Variants in CNTN2 observed in about 807,000 individuals in gnomAD.
The protein encoded by CNTN2 is contactin 2, also known as contactin-2.
CNTN2 carries 53 observed loss-of-function variants against 117.5 expected under a neutral mutation model. That is an observed-to-expected ratio of 0.45 (90% CI 0.36 to 0.57). CNTN2 has a LOEUF of 0.57. Among genes scored for constraint, CNTN2 ranks in the 20% least tolerant of loss-of-function variants. The pLI is 0.00. For missense variants in CNTN2, 1,106 were observed against 1,404.3 expected (o/e 0.79, Z 3.39); for synonymous variants, 530 against 561.7 (o/e 0.94, Z 0.80).
chr1:205,058,294 A>G lies in CNTN2; in HGVS notation c.329A>G (p.Gln110Arg). 1 of 1,530,796 alleles carries G rather than the reference A, an allele frequency of 6.5e-7. No individual in the cohort carries two copies. Among genetic ancestry groups the G allele is most frequent in the East Asian group, 2.3e-5 (1 of 44,084 alleles). 94.8% of individuals were successfully genotyped at this position (1,530,796 alleles called of 1,614,324 possible). The change falls in exon 4 of 23, where the codon CAG becomes CGG. Residue 110 changes from glutamine (Q) to arginine (R), a missense_variant. Transcript: ENST00000331830. The surrounding 1 kb of genome is among the most constrained non-coding windows in gnomAD (Gnocchi z 4.3). Reference sequence around the variant, plus strand: ...AAGGCACAGGATGCCGGGGTCTACCAGTGCCTGGCCTCCAACCCAGTGGGC... The same window carrying G: ...AAGGCACAGGATGCCGGGGTCTACCGGTGCCTGGCCTCCAACCCAGTGGGC... ...PTKAQDAGVY[Q>R]CLASNPVGTV...
chr1:205,073,560 G>A lies in CNTN2; in HGVS notation c.3014-96G>A. On this transcript the variant is annotated intron_variant, in intron 22 of 22. Transcript: ENST00000331830. This position sits in a 1 kb window ranked among gnomAD's most constrained non-coding sequence, Gnocchi z 6.3. The stretch of plus-strand genomic sequence containing the variant: ...CCGTCCGCTCCCAGGCCTGCAGCTG[G>A]CCCTGTGAGTCTCCTTAGGAAAGGT... The A allele has an allele frequency of 9.1e-7, 1 of 1,098,928 alleles. No individual in the cohort carries two copies. Among genetic ancestry groups the A allele is most frequent in the Non-Finnish European group, 1.3e-6 (1 of 747,276 alleles). The allele number at this position is 1,098,928 out of a possible 1,614,324, so 68.1% of individuals were successfully genotyped here.
At position 205,073,886 on chromosome 1, in the gene CNTN2, C is replaced by T; in HGVS notation, c.*121C>T. On this transcript the variant is annotated 3_prime_UTR_variant, in exon 23 of 23. Transcript: ENST00000331830. This position sits in a 1 kb window ranked among gnomAD's most constrained non-coding sequence, Gnocchi z 6.3. ...GAGAGTGGCTGGTTTTAAATACCTACTTTAAACAGTGCCCTTTTTGTAGGA... is the reference window on the plus strand; with the variant it reads ...GAGAGTGGCTGGTTTTAAATACCTATTTTAAACAGTGCCCTTTTTGTAGGA... 1 of 721,254 alleles carries T rather than the reference C, an allele frequency of 1.4e-6. No individual in the cohort carries two copies. Among genetic ancestry groups the T allele is most frequent in the Non-Finnish European group, 2.4e-6 (1 of 419,110 alleles). 44.7% of individuals were successfully genotyped at this position (721,254 alleles called of 1,614,324 possible).
chr1:205,061,579 G>A lies in CNTN2; in HGVS notation c.973+159G>A. 2 of 908,872 alleles carry A rather than the reference G, an allele frequency of 2.2e-6. No homozygotes were observed. Among genetic ancestry groups the A allele is most frequent in the East Asian group, 2.7e-5 (1 of 36,626 alleles). The allele number at this position is 908,872 out of a possible 1,614,324, so 56.3% of individuals were successfully genotyped here. A position where few individuals can be genotyped will look rare whatever the true frequency, so the allele number is the denominator to read the frequency against. On this transcript the variant is annotated intron_variant, in intron 8 of 22. Coordinates refer to ENST00000331830, the MANE Select transcript of CNTN2 (RefSeq NM_005076.5). The surrounding 1 kb of genome is among the most constrained non-coding windows in gnomAD (Gnocchi z 4.8). The stretch of plus-strand genomic sequence containing the variant: ...CTGCACTGAGTCTGGGACCAGAGGA[G>A]GCTAGTGCTGTGGTCACCTCAGAGC...
Position 205,065,227 on chromosome 1 carries a change from G to T in CNTN2, c.1660G>T (p.Asp554Tyr), listed in dbSNP as rs368514157. 6.2e-7 allele frequency: 1 copy of T among 1,614,124 alleles called. No individual in the cohort carries two copies. Among genetic ancestry groups the T allele is most frequent in the Admixed American group, 1.7e-5 (1 of 60,014 alleles). ...WTLDDFPIDF[D>Y]KPGGHYRRTN... is the part of the protein sequence containing the mutation. ...CCTGGACGACTTCCCCATCGACTTT[G>T]ATAAGCCTGGAGGGCACTACCGGAG... The change falls in exon 13 of 23, where the codon GAT (aspartate) becomes TAT (tyrosine). Residue 554 changes from aspartate (D) to tyrosine (Y), a missense_variant. By Grantham distance (160) the Asp-to-Tyr change is radical. Coordinates refer to ENST00000331830, the MANE Select transcript of CNTN2 (RefSeq NM_005076.5). The surrounding 1 kb of genome is among the most constrained non-coding windows in gnomAD (Gnocchi z 4.1).
Position 205,058,126 on chromosome 1 carries a change from C to T in CNTN2, c.216-55C>T. 1 of 1,599,454 alleles carries T rather than the reference C, an allele frequency of 6.3e-7. No homozygotes were observed. Among genetic ancestry groups the T allele is most frequent in the Non-Finnish European group, 8.5e-7 (1 of 1,172,660 alleles). Reference sequence around the variant, plus strand: ...GCAGCCGTTGAACTTTCCCTCTCATCAGCCCTGCCACCAGGCAGGACTCAG... The same window carrying T: ...GCAGCCGTTGAACTTTCCCTCTCATTAGCCCTGCCACCAGGCAGGACTCAG... On this transcript the variant is annotated intron_variant, in intron 3 of 22. Transcript: ENST00000331830. This position sits in a 1 kb window ranked among gnomAD's most constrained non-coding sequence, Gnocchi z 4.3.
chr1:205,061,067 G>C lies in CNTN2; in HGVS notation c.798-178G>C. ...TGCCTCTTGCCCCTTCCCTGCGTGT[G>C]CTCCGAGCCTACCTGGGAGAGGAGA... On this transcript the variant is annotated intron_variant, in intron 7 of 22. Transcript: ENST00000331830. The surrounding 1 kb of genome is among the most constrained non-coding windows in gnomAD (Gnocchi z 4.8). The C allele has an allele frequency of 1.5e-6, 1 of 653,506 alleles. No homozygotes were observed. The highest frequency in any genetic ancestry group is 2.0e-5 in the South Asian group (1 of 49,038). 40.5% of individuals were successfully genotyped at this position (653,506 alleles called of 1,614,324 possible).
Position 205,066,462 on chromosome 1 carries a change from G to C in CNTN2, c.1838G>C (p.Gly613Ala). The C allele has an allele frequency of 6.2e-7, 1 of 1,614,062 alleles. No homozygotes were observed. Among genetic ancestry groups the C allele is most frequent in the Non-Finnish European group, 8.5e-7 (1 of 1,180,028 alleles). The change falls in exon 15 of 23, where the codon GGT becomes GCT. Residue 613 changes from glycine to alanine, a missense_variant. Transcript: ENST00000331830. ...GCAGGTCCGCCAGGTCCCCCAGGAG[G>C]TGTGGTGGTGAGGGACATTGGCGAC... ...LVRGPPGPPG[G>A]VVVRDIGDTT...
chr1:205,050,304 T>TGTGC (rs1377064850), intron 1 of CNTN2, among the ~76,000 whole-genome samples: 3 of 151,830 alleles, frequency 2.0e-5, no homozygotes, highest in Non-Finnish European at 2.9e-5. Flanking sequence ...TGTGTGTGTG[T>TGTGC]GTGTGTGTGT....
At chr1:205,060,731 A>AG (rs2151191461) in intron 7 of CNTN2, 1 of 151,612 alleles carries the variant, frequency 6.6e-6, no homozygotes, top group African/African-American at 2.4e-5. Context: ...AAAAAAAAAA[A>AG]AAAGAAAAAA....
At chr1:205,062,241 C>T in intron 9 of CNTN2, 199 bp from the exon 10 acceptor site, 2 of 856,486 alleles carry the variant, frequency 2.3e-6, no homozygotes, top group Non-Finnish European at 3.5e-6. Context: ...ACTGGGTCAC[C>T]TCACCCTTCC....
Position 205,077,715 on chromosome 1 carries a change from AGGCAGCCTTT to A in CNTN2, c.*3953_*3962del, listed in dbSNP as rs1654930405. The A allele has an allele frequency of 6.6e-6, 1 of 152,334 alleles. No homozygotes were observed. The highest frequency in any genetic ancestry group is 1.5e-5 in the Non-Finnish European group (1 of 68,116). The allele number at this position is 152,334 out of a possible 1,614,324, so 9.4% of individuals were successfully genotyped here. On this transcript the variant is annotated 3_prime_UTR_variant, in exon 23 of 23. Transcript: ENST00000331830. ...GTCAGATAGCTTTGGCCACAGCCCC[AGGCAGCCTTT>A]GGGGCCTATGACACTTAGTGCCCTT... is the stretch of plus-strand genomic sequence containing the variant.
chr1:205,056,590 T>C (rs1653636674), intron 2 of CNTN2, among the ~76,000 whole-genome samples: 1 of 152,198 alleles, frequency 6.6e-6, no homozygotes, highest in Admixed American at 6.5e-5. Flanking sequence ...GACTGATGGC[T>C]GGATGCGCTG....
chr1:205,057,922 T>G lies in CNTN2; in HGVS notation c.72T>G (p.Ala24=). The change falls in exon 3 of 23, where the codon GCT becomes GCG. Residue 24 remains alanine, a splice_region_variant and synonymous_variant. Transcript: ENST00000331830. Reference sequence around the variant, plus strand: ...ATCTGGTGGTGTCATCACCTGCAGCTTGGAGTTCAGCCCTGGGATCCCAAA... The same window carrying G: ...ATCTGGTGGTGTCATCACCTGCAGCGTGGAGTTCAGCCCTGGGATCCCAAA... ...VAAVALVSSS[A]WSSALGSQTT... is the part of the protein sequence containing the mutation. 2 of 1,613,398 alleles carry G rather than the reference T, an allele frequency of 1.2e-6. No individual in the cohort carries two copies. The highest frequency in any genetic ancestry group is 1.7e-6 in the Non-Finnish European group (2 of 1,179,566).
intron 16 of CNTN2, 100 bp downstream of exon 16, chr1:205,067,350 C>G: frequency 7.0e-7 from 1 of 1,431,814 alleles, no homozygotes; most frequent in South Asian, 1.4e-5. Flanking sequence ...TGAGTTCCAA[C>G]CCTGCTCACA....
At position 205,067,132 on chromosome 1, in the gene CNTN2, T is replaced by G; in HGVS notation, c.2007T>G (p.Thr669=). 6.2e-7 allele frequency: 1 copy of G among 1,613,686 alleles called. No homozygotes were observed. Among genetic ancestry groups the G allele is most frequent in the Non-Finnish European group, 8.5e-7 (1 of 1,179,812 alleles). Residue 669 remains threonine, a synonymous_variant, in exon 16 of 23, where the codon ACT becomes ACG. Transcript: ENST00000331830. ...CAAACATCGAGGGCAATGCCGAGAC[T>G]GCACAGGTGCTGGGCCTCACCCCCT... ...NPANIEGNAE[T]AQVLGLTPWM...
At chr1:205,056,454 C>G (rs368911695) in intron 2 of CNTN2, among the ~76,000 whole-genome samples, 7 of 152,340 alleles carry the variant, frequency 4.6e-5, no homozygotes, top group Non-Finnish European at 7.4e-5. Flanking sequence ...ATGCCTGCAC[C>G]GGGCCATTCC....
At chr1:205,067,002 G>A in intron 15 of CNTN2, 99 bp from the exon 16 acceptor site, 1 of 1,439,048 alleles carries the variant, frequency 6.9e-7, no homozygotes, top group Non-Finnish European at 9.4e-7. Flanking sequence ...GTACCGAAGT[G>A]AGGGCTGGGT....
chr1:205,056,745 A>T (rs1263292185), intron 2 of CNTN2, among the ~76,000 whole-genome samples: 4 of 151,868 alleles, frequency 2.6e-5, no homozygotes, highest in Non-Finnish European at 5.9e-5. Context: ...GACTGGCCCC[A>T]CCAGTCAGCA....
chr1:205,055,891 G>A (rs2096460116), intron 2 of CNTN2, among the ~76,000 whole-genome samples: 1 of 152,182 alleles, frequency 6.6e-6, no homozygotes, highest in African/African-American at 2.4e-5. Flanking sequence ...TCCGTCTATA[G>A]CACCTATTTT....
Sources: allele counts gnomAD v4.1 joint callset (sites outside exome capture counted in the v4.1 genomes callset), GRCh38; gene constraint gnomAD v4.1.1; non-coding constraint Gnocchi (gnomAD v3.1); transcripts MANE v1.5; gene names NCBI Gene and HGNC (gene_info 2026-07-23, HGNC 2026-07-21).